BMP8A: variants seen among roughly 807,000 people sequenced by gnomAD.
BMP8A encodes BMP-8A.
Under a neutral mutation model 36.8 loss-of-function variants are expected in BMP8A, and 14 were observed. The ratio of observed to expected loss-of-function variants is 0.38; its 90% CI spans 0.25 to 0.60. BMP8A has a LOEUF of 0.60. Among genes scored for constraint, BMP8A ranks in the 20% least tolerant of loss-of-function variants. The pLI is 0.63. For synonymous variants in BMP8A, 120 were observed against 237.7 expected, an observed-to-expected ratio of 0.50 and a Z score of 4.55; for missense variants, 267 against 551.1, an observed-to-expected ratio of 0.48 and a Z score of 5.16.
At chr1:39,495,224 G>A (rs894429749) in intron 1 of BMP8A, among the ~76,000 whole-genome samples, 26 of 152,316 alleles carry the variant, frequency 1.7e-4, no homozygotes, top group African/African-American at 6.3e-4. Flanking sequence ...CAGGCCTGGT[G>A]CCCCTAGGGC....
chr1:39,502,319 A>T (rs1359911767), intron 1 of BMP8A, among the ~76,000 whole-genome samples: 1 of 152,188 alleles, frequency 6.6e-6, no homozygotes, highest in East Asian at 1.9e-4. Flanking sequence ...TAAAATAAAA[A>T]ATATATATGT....
chr1:39,522,948 G>C, intron 5 of BMP8A, 59 bp from the exon 6 acceptor site: 7 of 1,450,258 alleles, frequency 4.8e-6, no homozygotes, highest in Non-Finnish European at 6.6e-6. Flanking sequence ...GATGGGTTTG[G>C]GCCCTGAGGC....
At position 39,524,863 on chromosome 1, in the gene BMP8A, C is replaced by T; in HGVS notation, c.1060-786C>T. ...GGCAGGTGATGGCAGCTCGACTGGG[C>T]AGGTGGTCCGAGGCAGCACGGAGGT... On this transcript the variant is annotated intron_variant, in intron 6 of 6. Transcript: ENST00000331593. The surrounding 1 kb of genome is among the most constrained non-coding windows in gnomAD (Gnocchi z 4.0). 1 of 152,578 alleles carries T rather than the reference C, an allele frequency of 6.6e-6. No homozygotes were observed. The highest frequency in any genetic ancestry group is 1.5e-5 in the Non-Finnish European group (1 of 68,296). 9.5% of individuals were successfully genotyped at this position (152,578 alleles called of 1,614,324 possible).
At chr1:39,519,092 G>GGGAGGA (rs1284525805) in intron 3 of BMP8A, among the ~76,000 whole-genome samples, 12 of 111,910 alleles carry the variant, frequency 1.1e-4, no homozygotes, top group Non-Finnish European at 1.8e-4. Context: ...TCCTGTGTCT[G>GGGAGGA]GGAGACCCCC....
intron 3 of BMP8A, chr1:39,515,637 C>G: frequency 1.9e-6 from 3 of 1,569,474 alleles, no homozygotes; most frequent in Non-Finnish European, 2.6e-6. Flanking sequence ...GAGAAGCGCC[C>G]GCAATTTCAA....
Position 39,527,600 on chromosome 1 carries a change from G to A in BMP8A, c.*1802G>A, listed in dbSNP as rs1273407299. ...AGCCCCTCCACCTGGACCAGGGAGG[G>A]CCTCCATGTGCAAGCGCAGAGGAAG... On this transcript the variant is annotated 3_prime_UTR_variant, in exon 7 of 7. Coordinates refer to ENST00000331593, the MANE Select transcript of BMP8A (RefSeq NM_181809.4). 2.0e-5 allele frequency among the ~76,000 whole-genome samples: 3 copies of A among 152,204 alleles called. No homozygotes were observed. Among genetic ancestry groups the A allele is most frequent in the Non-Finnish European group, 4.4e-5 (3 of 68,036 alleles).
At chr1:39,493,109 C>G (rs1645175607) in intron 1 of BMP8A, among the ~76,000 whole-genome samples, 1 of 152,156 alleles carries the variant, frequency 6.6e-6, no homozygotes, top group African/African-American at 2.4e-5. Context: ...CGTGTAGTTA[C>G]TGTTGGTCAG....
In BMP8A at chr1:39,492,259, G is replaced by A. The variant is rs187639104; in HGVS notation, c.268G>A (p.Glu90Lys). ...LYHAMAGDDD[E>K]DGAPAEQRLG... The stretch of plus-strand genomic sequence containing the variant: ...CCACGCCATGGCTGGCGACGACGAC[G>A]AGGACGGCGCGCCCGCGGAGCAGCG... Residue 90 changes from glutamate (E) to lysine (K), a missense_variant, in exon 1 of 7, where the codon GAG becomes AAG. Physicochemically the swap from Glu to Lys is moderately conservative, Grantham distance 56. This residue lies in a region of BMP8A where 21 missense variants were observed against 59.2 expected (regional missense o/e 0.35). Coordinates refer to ENST00000331593, the MANE Select transcript of BMP8A (RefSeq NM_181809.4). 4,662 of 1,561,578 alleles carry A rather than the reference G, an allele frequency of 3.0e-3. 151 individuals are homozygous for A. In the African/African-American group the frequency reaches 0.06, roughly 20 times the overall value.
intron 1 of BMP8A, among the ~76,000 whole-genome samples, chr1:39,506,717 G>C (rs910807004): frequency 6.6e-6 from 1 of 151,708 alleles, no homozygotes; most frequent in African/African-American, 2.4e-5. Context: ...CCCCTTCTTT[G>C]TGTACTTCCT....
chr1:39,491,960 G>A lies in BMP8A; in HGVS notation c.-32G>A. ...CGGGCCCAGGGGCGGCGGCGGAGCTGATGTGCGCCCGCTGAGCGCCCCCGG... is the reference window on the plus strand; with the variant it reads ...CGGGCCCAGGGGCGGCGGCGGAGCTAATGTGCGCCCGCTGAGCGCCCCCGG... On this transcript the variant is annotated 5_prime_UTR_variant, in exon 1 of 7. Transcript: ENST00000331593. The A allele has an allele frequency of 1.9e-6, 2 of 1,069,598 alleles. No individual in the cohort carries two copies. The highest frequency in any genetic ancestry group is 2.3e-6 in the Non-Finnish European group (2 of 885,064). 66.3% of individuals were successfully genotyped at this position (1,069,598 alleles called of 1,614,324 possible).
At position 39,495,228 on chromosome 1, in the gene BMP8A, C is replaced by G. The variant is rs1257485616; in HGVS notation, c.334+2903C>G. Among the ~76,000 whole-genome samples the G allele has an allele frequency of 4.2e-4, 64 of 152,242 alleles. 1 individual carries two copies. The highest frequency in any genetic ancestry group is 8.1e-4 in the Non-Finnish European group (55 of 67,938). On this transcript the variant is annotated intron_variant, in intron 1 of 6. Transcript: ENST00000331593. ...TCCTGAAAAGCCAGGCCTGGTGCCC[C>G]TAGGGCCCAACTCTTGATGGCAGCC...
chr1:39,492,624 C>G (rs911894781), intron 1 of BMP8A, among the ~76,000 whole-genome samples: 2 of 152,212 alleles, frequency 1.3e-5, no homozygotes, highest in South Asian at 2.1e-4. Flanking sequence ...CTGGGCTGCC[C>G]CGGGAAGACA....
intron 1 of BMP8A, among the ~76,000 whole-genome samples, chr1:39,509,855 A>T (rs1028257762): frequency 2.0e-5 from 3 of 152,370 alleles, no homozygotes; most frequent in Admixed American, 6.5e-5. Flanking sequence ...TGCTTTCCGG[A>T]AACACAGATT....
chr1:39,523,173 G>T, intron 6 of BMP8A, 56 bp downstream of exon 6: 2 of 1,590,762 alleles, frequency 1.3e-6, no homozygotes, highest in Non-Finnish European at 1.7e-6. Context: ...CTGCAGAGAG[G>T]GGTCTGGTCC....
chr1:39,523,494 C>A (rs1410546465), intron 6 of BMP8A: 1 of 1,321,160 alleles, frequency 7.6e-7, no homozygotes, highest in Non-Finnish European at 9.9e-7. Flanking sequence ...CCCCCGAGTA[C>A]GCTGGCAAGT....
Position 39,529,372 on chromosome 1 carries a change from G to A in BMP8A, c.*3574G>A, listed in dbSNP as rs539770837. ...TGTGGCCCTGCACACTCGCCTGCTC[G>A]TGGAAGGAGTCTGGGCCAGCAGTGA... On this transcript the variant is annotated 3_prime_UTR_variant, in exon 7 of 7. Coordinates refer to ENST00000331593, the MANE Select transcript of BMP8A (RefSeq NM_181809.4). 1.4e-4 allele frequency among the ~76,000 whole-genome samples: 21 copies of A among 152,312 alleles called. 1 individual carries two copies. The highest frequency in any genetic ancestry group is 2.2e-4 in the Non-Finnish European group (15 of 68,036).
At chr1:39,522,964 G>A (rs1363202174) in intron 5 of BMP8A, 43 bp from the exon 6 acceptor site, 9 of 1,526,604 alleles carry the variant, frequency 5.9e-6, no homozygotes, top group Non-Finnish European at 7.1e-6. Context: ...GAGGCTCAGG[G>A]AGGAGCACAT....
chr1:39,523,707 C>A, intron 6 of BMP8A: 1 of 1,386,292 alleles, frequency 7.2e-7, no homozygotes. Flanking sequence ...CCTTAAAGGA[C>A]AAAAGCAGGC....
In BMP8A at chr1:39,527,698, T is replaced by C. The variant is rs906831559; in HGVS notation, c.*1900T>C. Among the ~76,000 whole-genome samples the C allele has an allele frequency of 2.0e-5, 3 of 152,220 alleles. No homozygotes were observed. Among genetic ancestry groups the C allele is most frequent in the African/African-American group, 7.2e-5 (3 of 41,460 alleles). ...GGTGAGTTCCCCACTAGTCTAAGGC[T>C]TCAAGCTCAGCTAGCAGAGATTGGA... On this transcript the variant is annotated 3_prime_UTR_variant, in exon 7 of 7. Transcript: ENST00000331593.
Sources: allele counts gnomAD v4.1 joint callset (sites outside exome capture counted in the v4.1 genomes callset), GRCh38; gene constraint gnomAD v4.1.1; regional missense constraint gnomAD v4.1.1; non-coding constraint Gnocchi (gnomAD v3.1); transcripts MANE v1.5; gene names NCBI Gene and HGNC (gene_info 2026-07-23, HGNC 2026-07-21).